Variants in PLEKHM3 observed in about 807,000 individuals in gnomAD.
PLEKHM3 encodes pleckstrin homology domain-containing family M member 3.
Under a neutral mutation model 81.8 loss-of-function variants are expected in PLEKHM3, and 45 were observed. The observed-to-expected ratio is 0.55, with a 90% CI of 0.43 to 0.71. PLEKHM3 has a LOEUF of 0.71. PLEKHM3 is among the 30% of genes least tolerant of loss of function. The probability of loss-of-function intolerance (pLI) is 0.00; values close to 1 mark genes in which losing one functional copy is unlikely to be tolerated. For synonymous variants in PLEKHM3, 352 were observed against 356.4 expected (o/e 0.99, Z 0.14); for missense variants, 788 against 924.3 (o/e 0.85, Z 1.91).
At chr2:207,970,948 A>C (rs1691099151) in intron 3 of PLEKHM3, among the ~76,000 whole-genome samples, 1 of 152,254 alleles carries the variant, frequency 6.6e-6, no homozygotes, top group Non-Finnish European at 1.5e-5. Flanking sequence ...CAAGGAGTAA[A>C]ACCATAAAAT....
chr2:207,955,567 ATCC>A (rs1037702159), intron 3 of PLEKHM3, among the ~76,000 whole-genome samples: 1 of 152,220 alleles, frequency 6.6e-6, no homozygotes, highest in African/African-American at 2.4e-5. Context: ...TGTTCATTTA[ATCC>A]TCATACCAAT....
At chr2:207,850,448 C>T (rs1242191514) in intron 7 of PLEKHM3, among the ~76,000 whole-genome samples, 4 of 152,214 alleles carry the variant, frequency 2.6e-5, no homozygotes, top group Non-Finnish European at 5.9e-5. Context: ...ATGAAAAACT[C>T]ACGAAAGCCA....
intron 7 of PLEKHM3, among the ~76,000 whole-genome samples, chr2:207,858,810 C>T (rs1056022041): frequency 4.6e-5 from 7 of 152,096 alleles, no homozygotes; most frequent in South Asian, 2.1e-4. Flanking sequence ...ATATAATTCA[C>T]GTACCATAAA....
Position 207,861,248 on chromosome 2 carries a change from C to A in PLEKHM3, c.1965G>T (p.Lys655Asn). ...LADLQQVIEG[K>N]LAPFLGKVIK... ...TGACCTTGCCCAAGAATGGAGCCAG[C>A]TTTCCCTCTATTACCTGCAGAAAGA... Residue 655 changes from lysine (K) to asparagine (N), a missense_variant, in exon 7 of 8, where the codon AAG becomes AAT. By Grantham distance (94) the Lys-to-Asn change is moderately conservative (BLOSUM62 0). Coordinates refer to ENST00000427836, the MANE Select transcript of PLEKHM3 (RefSeq NM_001080475.3). The A allele has an allele frequency of 6.2e-7, 1 of 1,614,046 alleles. No homozygotes were observed. The highest frequency in any genetic ancestry group is 1.1e-5 in the South Asian group (1 of 91,056).
At chr2:207,908,453 G>T in intron 6 of PLEKHM3, 61 bp downstream of exon 6, 1 of 1,494,740 alleles carries the variant, frequency 6.7e-7, no homozygotes, top group Non-Finnish European at 9.2e-7. Context: ...AAAGACCAAA[G>T]TCAACAAAGA....
At chr2:207,851,087 A>C (rs766909403) in intron 7 of PLEKHM3, among the ~76,000 whole-genome samples, 1 of 129,166 alleles carries the variant, frequency 7.7e-6, no homozygotes, top group African/African-American at 3.0e-5. Context: ...TGGGAAGCGG[A>C]GGTTGCAGTG....
At chr2:207,870,755 T>C (rs1446761991) in intron 6 of PLEKHM3, among the ~76,000 whole-genome samples, 1 of 152,246 alleles carries the variant, frequency 6.6e-6, no homozygotes, top group Non-Finnish European at 1.5e-5. Flanking sequence ...CTCACGAGAC[T>C]ATTCTGAATC....
chr2:207,948,537 A>AT (rs1459443461), intron 3 of PLEKHM3, among the ~76,000 whole-genome samples: 34 of 91,860 alleles, frequency 3.7e-4, no homozygotes, highest in African/African-American at 8.4e-4. Flanking sequence ...TGTATTTTCT[A>AT]TTTTTTTTGT....
chr2:207,975,016 G>C (rs1410424920), intron 3 of PLEKHM3, among the ~76,000 whole-genome samples: 1 of 151,996 alleles, frequency 6.6e-6, no homozygotes, highest in Admixed American at 6.6e-5. Context: ...TTTTAGTAGA[G>C]ACGGGGTTTC....
intron 6 of PLEKHM3, among the ~76,000 whole-genome samples, chr2:207,907,512 G>C (rs1240017503): frequency 6.7e-6 from 1 of 150,118 alleles, no homozygotes. Context: ...ACAAACGAAA[G>C]GAAAAAAAAA....
rs1217656078 is a variant in PLEKHM3, at chr2:207,822,294, T to A, written c.*6025A>T. 1 of 152,606 alleles carries A rather than the reference T, an allele frequency of 6.6e-6. No homozygotes were observed. The highest frequency in any genetic ancestry group is 1.5e-5 in the Non-Finnish European group (1 of 68,026). 9.5% of individuals were successfully genotyped at this position (152,606 alleles called of 1,614,324 possible). On this transcript the variant is annotated 3_prime_UTR_variant, in exon 8 of 8. Coordinates refer to ENST00000427836, the MANE Select transcript of PLEKHM3 (RefSeq NM_001080475.3). ...CTTATTTGGAAAACAGGTGGCAAAA[T>A]AAAAAGAAAACCTTTGAAAGGTGAA... is the stretch of plus-strand genomic sequence containing the variant.
intron 7 of PLEKHM3, among the ~76,000 whole-genome samples, chr2:207,849,958 G>T (rs2092403737): frequency 1.3e-5 from 2 of 152,174 alleles, no homozygotes; most frequent in Non-Finnish European, 2.9e-5. Flanking sequence ...TGATTCTGGA[G>T]GCTGGGAGGT....
At chr2:207,982,251 C>A (rs556411847) in intron 2 of PLEKHM3, among the ~76,000 whole-genome samples, 2 of 133,044 alleles carry the variant, frequency 1.5e-5, no homozygotes, top group Admixed American at 7.6e-5. Flanking sequence ...CTCGCTCCCC[C>A]CCTCCCTCGC....
At chr2:207,978,533 T>C (rs1296103472) in intron 2 of PLEKHM3, among the ~76,000 whole-genome samples, 1 of 152,082 alleles carries the variant, frequency 6.6e-6, no homozygotes, top group Non-Finnish European at 1.5e-5. Flanking sequence ...TCACAAACTC[T>C]CATTTCTCAG....
intron 4 of PLEKHM3, among the ~76,000 whole-genome samples, chr2:207,942,475 G>C (rs1428324166): frequency 6.6e-6 from 1 of 152,192 alleles, no homozygotes; most frequent in Non-Finnish European, 1.5e-5. Context: ...CCGTGCTACT[G>C]CACTCCACAC....
intron 3 of PLEKHM3, among the ~76,000 whole-genome samples, chr2:207,958,856 G>A (rs1049048626): frequency 2.0e-5 from 3 of 152,182 alleles, no homozygotes; most frequent in African/African-American, 7.2e-5. Flanking sequence ...GCTGCAGTGA[G>A]CTGAGATTGC....
chr2:207,998,220 G>A (rs1312425332), intron 2 of PLEKHM3, among the ~76,000 whole-genome samples: 2 of 152,254 alleles, frequency 1.3e-5, no homozygotes, highest in Non-Finnish European at 1.5e-5. Context: ...AAAGGTGGCA[G>A]TGGCTGGGAG....
chr2:207,859,144 T>G (rs961414033), intron 7 of PLEKHM3, among the ~76,000 whole-genome samples: 9 of 141,338 alleles, frequency 6.4e-5, no homozygotes, highest in African/African-American at 2.7e-4. Flanking sequence ...TTCTTTTTTT[T>G]TTTTTTTTTT....
At chr2:207,927,093 G>A (rs955831896) in intron 5 of PLEKHM3, among the ~76,000 whole-genome samples, 2 of 152,066 alleles carry the variant, frequency 1.3e-5, no homozygotes, top group African/African-American at 4.8e-5. Context: ...ATAAGAACTG[G>A]ATTCTCTTGC....
Sources: gnomAD v4.1 joint callset for allele counts (sites outside exome capture counted in the v4.1 genomes callset) on GRCh38, gnomAD v4.1.1 for gene constraint, MANE v1.5 for transcripts, NCBI Gene and HGNC (gene_info 2026-07-23, HGNC 2026-07-21) for gene names.